The following ZDHHC14 variants were observed in gnomAD, a reference collection of about 807,000 sequenced individuals.
The protein encoded by ZDHHC14 is zDHHC palmitoyltransferase 14.
ZDHHC14 carries 16 observed loss-of-function variants against 47.7 expected under a neutral mutation model. The observed-to-expected ratio is 0.34, with a 90% CI of 0.23 to 0.51. The LOEUF (loss-of-function observed/expected upper bound fraction) is 0.51. ZDHHC14 is among the 20% of genes least tolerant of loss of function. The pLI is 0.97. For synonymous variants in ZDHHC14, 293 were observed against 278.9 expected, an observed-to-expected ratio of 1.05 and a Z score of -0.50; for missense variants, 515 against 662.5, an observed-to-expected ratio of 0.78 and a Z score of 2.44.
chr6:157,515,513 A>G (rs1358277425), intron 1 of ZDHHC14, among the ~76,000 whole-genome samples: 3 of 143,464 alleles, frequency 2.1e-5, no homozygotes, highest in South Asian at 2.2e-4. Flanking sequence ...CCAGGCTGGA[A>G]TGCAGTGGCG....
rs552399181 is a variant in ZDHHC14 at position 157,555,284 on chromosome 6, A to G, written c.406+12539A>G. ...CATGTTCCTAGAAAGGAACACAGAC[A>G]CGGAGCTGGTCACAAATGGTTTGTC... On this transcript the variant is annotated intron_variant, in intron 2 of 8. Coordinates refer to ENST00000359775, the MANE Select transcript of ZDHHC14 (RefSeq NM_024630.3). 6.8e-4 allele frequency among the ~76,000 whole-genome samples: 104 copies of G among 152,358 alleles called. 1 individual carries two copies. The South Asian group carries it at 9.7e-3, about 14-fold the overall frequency.
chr6:157,419,481 G>A (rs560138115), intron 1 of ZDHHC14, among the ~76,000 whole-genome samples: 22 of 152,276 alleles, frequency 1.4e-4, no homozygotes, highest in African/African-American at 3.9e-4. Flanking sequence ...TCCTCTGCCC[G>A]AAGTCTGGCA....
At chr6:157,431,082 G>A (rs1241560569) in intron 1 of ZDHHC14, among the ~76,000 whole-genome samples, 1 of 152,144 alleles carries the variant, frequency 6.6e-6, no homozygotes, top group Non-Finnish European at 1.5e-5. Flanking sequence ...GAGTGTATAC[G>A]GGACACAAGG....
intron 1 of ZDHHC14, among the ~76,000 whole-genome samples, chr6:157,453,084 A>G (rs1778840120): frequency 6.6e-6 from 1 of 151,892 alleles, no homozygotes; most frequent in South Asian, 2.1e-4. Context: ...CTTTTTTCAC[A>G]TGACAGAGAT....
chr6:157,469,635 A>T (rs955364518), intron 1 of ZDHHC14, among the ~76,000 whole-genome samples: 1 of 152,198 alleles, frequency 6.6e-6, no homozygotes, highest in African/African-American at 2.4e-5. Context: ...CCCCAGGCTG[A>T]TGGAACGATC....
At chr6:157,609,536 A>T (rs1473834431) in intron 3 of ZDHHC14, among the ~76,000 whole-genome samples, 2 of 152,256 alleles carry the variant, frequency 1.3e-5, no homozygotes, top group Non-Finnish European at 2.9e-5. Flanking sequence ...AAGCAACGTC[A>T]TAAAGAGCAG....
intron 3 of ZDHHC14, among the ~76,000 whole-genome samples, chr6:157,615,177 C>T (rs1784917604): frequency 6.6e-6 from 1 of 152,176 alleles, no homozygotes; most frequent in African/African-American, 2.4e-5. Context: ...CTTTTGAGTG[C>T]CTTTGTTGAG....
intron 1 of ZDHHC14, among the ~76,000 whole-genome samples, chr6:157,476,109 G>A (rs1779475978): frequency 6.6e-6 from 1 of 151,970 alleles, no homozygotes. Flanking sequence ...AGAGATCACA[G>A]CAATATGAAA....
At chr6:157,591,209 T>C (rs1295040417) in intron 2 of ZDHHC14, among the ~76,000 whole-genome samples, 1 of 152,184 alleles carries the variant, frequency 6.6e-6, no homozygotes, top group East Asian at 1.9e-4. Context: ...TGGGGGACTG[T>C]TGGAAAGGCA....
chr6:157,479,730 C>T (rs574015568), intron 1 of ZDHHC14, among the ~76,000 whole-genome samples: 2 of 152,324 alleles, frequency 1.3e-5, no homozygotes, highest in Admixed American at 6.5e-5. Flanking sequence ...AGAATTCACT[C>T]GATATGTATG....
intron 3 of ZDHHC14, among the ~76,000 whole-genome samples, chr6:157,600,825 TG>T (rs1360737593): frequency 6.8e-5 from 10 of 147,018 alleles, no homozygotes; most frequent in African/African-American, 1.1e-4. Flanking sequence ...CCAATGGTTA[TG>T]TCACGTTGCT....
At position 157,446,388 on chromosome 6, in the gene ZDHHC14, C is replaced by CT. The variant is rs940663293; in HGVS notation, c.245+64131dup. Among the ~76,000 whole-genome samples, 441 of 151,022 alleles carry CT rather than the reference C, an allele frequency of 2.9e-3. 6 individuals carry two copies. The highest frequency in any genetic ancestry group is 0.018 in the South Asian group (84 of 4,742). On this transcript the variant is annotated intron_variant, in intron 1 of 8. Coordinates refer to ENST00000359775, the MANE Select transcript of ZDHHC14 (RefSeq NM_024630.3). ...CCCTCCAGTTGGTATATATCTCTTC[C>CT]TTTTTTTTTGGTTTTTTTGTTTTGT...
At chr6:157,421,269 G>T (rs1172513732) in intron 1 of ZDHHC14, among the ~76,000 whole-genome samples, 1 of 151,854 alleles carries the variant, frequency 6.6e-6, no homozygotes, top group Non-Finnish European at 1.5e-5. Context: ...GGAGGCCGAG[G>T]CAGGTGGATC....
chr6:157,625,884 A>C (rs1785387907), intron 3 of ZDHHC14, among the ~76,000 whole-genome samples: 2 of 152,114 alleles, frequency 1.3e-5, no homozygotes, highest in African/African-American at 4.8e-5. Context: ...GCTCAGGGCT[A>C]CCGGAGAGCC....
At chr6:157,516,207 C>A (rs974245819) in intron 1 of ZDHHC14, among the ~76,000 whole-genome samples, 1 of 152,196 alleles carries the variant, frequency 6.6e-6, no homozygotes, top group Admixed American at 6.5e-5. Context: ...GCTGTATCAT[C>A]CTCCATGATA....
rs529667070 is a variant in ZDHHC14, at chr6:157,587,360, T to G, written c.407-5628T>G. ...AGCACACAGCCGTGCCATCTCTTTG[T>G]TCTCTCCTTATTGCAGAATCAGTTG... On this transcript the variant is annotated intron_variant, in intron 2 of 8. Transcript: ENST00000359775. Among the ~76,000 whole-genome samples, 210 of 152,334 alleles carry G rather than the reference T, an allele frequency of 1.4e-3. 3 individuals carry two copies. In the South Asian group the frequency reaches 0.016, roughly 11 times the overall value.
At chr6:157,534,009 A>G (rs943126799) in intron 1 of ZDHHC14, among the ~76,000 whole-genome samples, 7 of 152,332 alleles carry the variant, frequency 4.6e-5, no homozygotes, top group African/African-American at 1.7e-4. Context: ...CCTTAATGAT[A>G]CATCTTAAAA....
chr6:157,623,599 G>T (rs1328936504), intron 3 of ZDHHC14, among the ~76,000 whole-genome samples: 1 of 142,288 alleles, frequency 7.0e-6, no homozygotes, highest in Non-Finnish European at 1.5e-5. Context: ...CTTTAGTGCA[G>T]TGGCATGATC....
chr6:157,572,549 T>G (rs1471767991), intron 2 of ZDHHC14, among the ~76,000 whole-genome samples: 1 of 151,860 alleles, frequency 6.6e-6, no homozygotes, highest in South Asian at 2.1e-4. Context: ...AACGTGCAGG[T>G]TTGTTACATA....
Sources: gnomAD v4.1 joint callset for allele counts (sites outside exome capture counted in the v4.1 genomes callset) on GRCh38, gnomAD v4.1.1 for gene constraint, MANE v1.5 for transcripts, NCBI Gene and HGNC (gene_info 2026-07-23, HGNC 2026-07-21) for gene names.